KLHDC8B: variants seen among roughly 807,000 people sequenced by gnomAD.
The protein encoded by KLHDC8B is kelch domain containing 8B.
A neutral mutation model predicts 26.3 loss-of-function variants in KLHDC8B; 19 were observed. The ratio of observed to expected loss-of-function variants is 0.72; its 90% CI spans 0.50 to 1.06. The LOEUF (loss-of-function observed/expected upper bound fraction) is 1.06, where lower values mean the gene tolerates loss of function less well. KLHDC8B is among the 50% of genes least tolerant of loss of function. The pLI, the probability that KLHDC8B is intolerant of heterozygous loss-of-function variation, is 0.00. For synonymous variants in KLHDC8B, 150 were observed against 188.4 expected (o/e 0.80, Z 1.67); for missense variants, 411 against 488.1 (o/e 0.84, Z 1.49).
At position 49,173,094 on chromosome 3, in the gene KLHDC8B, C is replaced by T. The variant is rs756090460; in HGVS notation, c.325C>T (p.Arg109Cys). 1.8e-5 allele frequency: 28 copies of T among 1,584,406 alleles called. No homozygotes were observed. Among genetic ancestry groups the T allele is most frequent in the Middle Eastern group, 1.8e-4 (1 of 5,706 alleles). The change falls in exon 2 of 6, where the codon CGT (arginine) becomes TGT (cysteine). Residue 109 changes from arginine (R) to cysteine (C), a missense_variant. Physicochemically the swap from Arg to Cys is radical, Grantham distance 180. Coordinates refer to ENST00000332780, the MANE Select transcript of KLHDC8B (RefSeq NM_173546.3). ...CCTGATGGATGAGGGCCGCTGGGAGCGTCGGGCCACCCTCCCTCAAGCAGC... is the reference window on the plus strand; with the variant it reads ...CCTGATGGATGAGGGCCGCTGGGAGTGTCGGGCCACCCTCCCTCAAGCAGC... ...AFLMDEGRWE[R>C]RATLPQAAMG...
chr3:49,174,629 G>C, intron 3 of KLHDC8B, 113 bp from the exon 4 acceptor site: 1 of 1,384,982 alleles, frequency 7.2e-7, no homozygotes, highest in Non-Finnish European at 9.7e-7. Flanking sequence ...TCATGTGCAA[G>C]TGTGCACACA....
At chr3:49,172,488 A>G in intron 1 of KLHDC8B, 148 bp from the exon 2 acceptor site, 1 of 456,780 alleles carries the variant, frequency 2.2e-6, no homozygotes, top group East Asian at 3.5e-5. Context: ...GGGCCTCCAC[A>G]GTGGTGTGCT....
rs747450619 is a variant in KLHDC8B at position 49,172,741 on chromosome 3, A to T, written c.-29A>T. ...AGTGAGGCCTACAGTCTGAGCAGAC[A>T]GCATGGCCTGCCACTGGCAGTGAAC... On this transcript the variant is annotated 5_prime_UTR_variant, in exon 2 of 6. Coordinates refer to ENST00000332780, the MANE Select transcript of KLHDC8B (RefSeq NM_173546.3). 6 of 1,594,480 alleles carry T rather than the reference A, an allele frequency of 3.8e-6. No individual in the cohort carries two copies. In the African/African-American group the frequency reaches 8.0e-5, roughly 21 times the overall value.
chr3:49,175,315 GT>G, intron 5 of KLHDC8B, 152 bp downstream of exon 5: 1 of 671,578 alleles, frequency 1.5e-6, no homozygotes, highest in Non-Finnish European at 2.5e-6. Flanking sequence ...GCAGGATGTG[GT>G]CTGCCTGGCC....
At position 49,175,964 on chromosome 3, in the gene KLHDC8B, TTGTC is replaced by T; in HGVS notation, c.*165_*168del. On this transcript the variant is annotated 3_prime_UTR_variant, in exon 6 of 6. Transcript: ENST00000332780. The stretch of plus-strand genomic sequence containing the variant: ...TTGGGGCCTTGGGTTAGGGGAGCCT[TTGTC>T]TTTAGTGCAGGACACACATATGCTT... The T allele has an allele frequency of 1.6e-6, 1 of 641,284 alleles. No individual in the cohort carries two copies. Among genetic ancestry groups the T allele is most frequent in the Non-Finnish European group, 2.7e-6 (1 of 366,698 alleles). The allele number at this position is 641,284 out of a possible 1,614,324, so 39.7% of individuals were successfully genotyped here.
At position 49,172,523 on chromosome 3, in the gene KLHDC8B, C is replaced by G. The variant is rs1022703738; in HGVS notation, c.-134-113C>G. 29 of 554,660 alleles carry G rather than the reference C, an allele frequency of 5.2e-5. No homozygotes were observed. In the African/African-American group the frequency reaches 5.2e-4, roughly 10 times the overall value. The allele number at this position is 554,660 out of a possible 1,614,324, so 34.4% of individuals were successfully genotyped here. A position where few individuals can be genotyped will look rare whatever the true frequency, so the allele number is the denominator to read the frequency against. Reference sequence around the variant, plus strand: ...TAGCCAGAGGGGTTGGGTTCTCCCCCTGCCTTTCCCACCAGTGATTTTGGG... The same window carrying G: ...TAGCCAGAGGGGTTGGGTTCTCCCCGTGCCTTTCCCACCAGTGATTTTGGG... On this transcript the variant is annotated intron_variant, in intron 1 of 5. Coordinates refer to ENST00000332780, the MANE Select transcript of KLHDC8B (RefSeq NM_173546.3).
chr3:49,175,815 G>A lies in KLHDC8B; in HGVS notation c.*14G>A. ...GATGGGGTCTGAAGGCTTGGTGGGA[G>A]CTGTCCACTGGAGCAGCTCATTGCC... On this transcript the variant is annotated 3_prime_UTR_variant, in exon 6 of 6. Coordinates refer to ENST00000332780, the MANE Select transcript of KLHDC8B (RefSeq NM_173546.3). 1 of 1,612,748 alleles carries A rather than the reference G, an allele frequency of 6.2e-7. No homozygotes were observed. Among genetic ancestry groups the A allele is most frequent in the Non-Finnish European group, 8.5e-7 (1 of 1,179,010 alleles).
chr3:49,175,876 A>T lies in KLHDC8B; in HGVS notation c.*75A>T. On this transcript the variant is annotated 3_prime_UTR_variant, in exon 6 of 6. Coordinates refer to ENST00000332780, the MANE Select transcript of KLHDC8B (RefSeq NM_173546.3). ...ATTTCTATGGCTCCTTTTGCTGCTG[A>T]GGACACTCACTGTGGCTCTGTGGGA... 6.9e-7 allele frequency: 1 copy of T among 1,440,626 alleles called. No individual in the cohort carries two copies. The highest frequency in any genetic ancestry group is 9.7e-7 in the Non-Finnish European group (1 of 1,031,650). The allele number at this position is 1,440,626 out of a possible 1,614,324, so 89.2% of individuals were successfully genotyped here.
chr3:49,172,159 G>A (rs2107657559), intron 1 of KLHDC8B, among the ~76,000 whole-genome samples: 1 of 152,240 alleles, frequency 6.6e-6, no homozygotes, highest in Non-Finnish European at 1.5e-5. Flanking sequence ...CTGTGGAATG[G>A]CCCCCAGGAT....
chr3:49,174,317 G>A lies in KLHDC8B; in HGVS notation c.455G>A (p.Arg152Gln), dbSNP rs772682986. Residue 152 changes from arginine to glutamine, a missense_variant, in exon 3 of 6, where the codon CGG (arginine) becomes CAG (glutamine). Transcript: ENST00000332780. ...QAQVRVYEPR[R>Q]DCWLSLPSMP... ...CAGGTACGTGTGTATGAGCCCCGTC[G>A]GGACTGCTGGCTTTCGCTACCCTCC... 1.1e-5 allele frequency: 17 copies of A among 1,613,808 alleles called. No individual in the cohort carries two copies. The highest frequency in any genetic ancestry group is 4.5e-5 in the East Asian group (2 of 44,880).
Position 49,174,765 on chromosome 3 carries a change from G to C in KLHDC8B, c.565G>C (p.Val189Leu), listed in dbSNP as rs146245053. 2 of 1,610,196 alleles carry C rather than the reference G, an allele frequency of 1.2e-6. No homozygotes were observed. The highest frequency in any genetic ancestry group is 1.7e-6 in the Non-Finnish European group (2 of 1,177,234). The stretch of plus-strand genomic sequence containing the variant: ...AGGGGGCCGCCAGGGCAAGCTCCCG[G>C]TGACTGCTTTTGAAGCCTTTGATCT... ...VLGGRQGKLP[V>L]TAFEAFDLEA... is the part of the protein sequence containing the mutation. Residue 189 changes from valine (V) to leucine (L), a missense_variant, in exon 4 of 6, where the codon GTG becomes CTG. Transcript: ENST00000332780.
At chr3:49,174,147 C>A in intron 2 of KLHDC8B, 92 bp from the exon 3 acceptor site, 1 of 906,628 alleles carries the variant, frequency 1.1e-6, no homozygotes, top group Non-Finnish European at 1.7e-6. Context: ...ACACATGGGT[C>A]TCCAGCCACC....
In KLHDC8B at chr3:49,174,889, T is replaced by C. The variant is rs369228701; in HGVS notation, c.689T>C (p.Leu230Pro). The change falls in exon 4 of 6, where the codon CTG (leucine) becomes CCG (proline). Residue 230 changes from leucine to proline, a missense_variant. By Grantham distance (98) the Leu-to-Pro change is moderately conservative. Transcript: ENST00000332780. ...AEGSVFSLGG[L>P]QQPGPHNFYS... ...GGCAGCGTCTTTAGCCTGGGTGGCC[T>C]GCAGCAGCCTGGGCCCCACAACTTC... 1 of 1,614,084 alleles carries C rather than the reference T, an allele frequency of 6.2e-7. No individual in the cohort carries two copies. Among genetic ancestry groups the C allele is most frequent in the African/African-American group, 1.3e-5 (1 of 74,948 alleles).
Position 49,175,706 on chromosome 3 carries a change from A to G in KLHDC8B, c.970A>G (p.Ser324Gly). 6.2e-7 allele frequency: 1 copy of G among 1,613,908 alleles called. No individual in the cohort carries two copies. The highest frequency in any genetic ancestry group is 8.5e-7 in the Non-Finnish European group (1 of 1,179,920). The change falls in exon 6 of 6, where the codon AGT (serine) becomes GGT (glycine). Residue 324 changes from serine (S) to glycine (G), a missense_variant. Transcript: ENST00000332780. ...AMPTARCSCSSLQAGPRLFVI... is the reference protein window; with the variant it reads ...AMPTARCSCSGLQAGPRLFVI... ...GCCCACTGCCCGCTGCTCCTGCTCT[A>G]GTCTGCAGGCTGGGCCCCGGCTGTT...
intron 3 of KLHDC8B, 117 bp from the exon 4 acceptor site, chr3:49,174,625 G>C (rs1342055790): frequency 7.2e-7 from 1 of 1,380,138 alleles, no homozygotes; most frequent in Non-Finnish European, 9.7e-7. Flanking sequence ...TGATTCATGT[G>C]CAAGTGTGCA....
chr3:49,175,371 C>A (rs1470799454), intron 5 of KLHDC8B, among the ~76,000 whole-genome samples: 1 of 152,190 alleles, frequency 6.6e-6, no homozygotes, highest in African/African-American at 2.4e-5. Flanking sequence ...CTGTCAAGCA[C>A]CAGCAAGGGT....
chr3:49,172,147 C>A (rs2045773058), intron 1 of KLHDC8B, among the ~76,000 whole-genome samples: 1 of 152,150 alleles, frequency 6.6e-6, no homozygotes. Context: ...TTTAAATTAA[C>A]CCTGTGGAAT....
intron 3 of KLHDC8B, 29 bp downstream of exon 3, chr3:49,174,432 G>T (rs1346317121): frequency 1.3e-6 from 2 of 1,595,474 alleles, no homozygotes; most frequent in Non-Finnish European, 1.7e-6. Flanking sequence ...TGGGAAGGGG[G>T]CTCAGAGTCT....
rs1297747643 is a variant in KLHDC8B, at chr3:49,175,610, C to T, written c.874C>T (p.Gln292Ter). Residue 292 changes from glutamine to a stop codon, truncating the protein, a stop_gained, in exon 6 of 6, where the codon CAG becomes TAG. Coordinates refer to ENST00000332780, the MANE Select transcript of KLHDC8B (RefSeq NM_173546.3). LOFTEE classifies it high-confidence loss of function. ...CTTCTCTCTCCTTCTTGCAGGAAAC[C>T]AGCCATGTCCTTTGGGCTCTGTGGA... ...HIVAIGGLGN[Q>*]PCPLGSVESF... 1.3e-6 allele frequency: 2 copies of T among 1,542,902 alleles called. No homozygotes were observed. The highest frequency in any genetic ancestry group is 2.3e-5 in the East Asian group (1 of 44,194).
Sources: allele counts gnomAD v4.1 joint callset (sites outside exome capture counted in the v4.1 genomes callset), GRCh38; gene constraint gnomAD v4.1.1; transcripts MANE v1.5; gene names NCBI Gene and HGNC (gene_info 2026-07-23, HGNC 2026-07-21).